Variants in SASH1 observed in about 807,000 individuals in gnomAD.
SASH1 encodes the protein SAM and SH3 domain containing 1.
Under a neutral mutation model 125.2 loss-of-function variants are expected in SASH1, and 44 were observed. That is an observed-to-expected ratio of 0.35 (90% CI 0.28 to 0.45). The LOEUF is 0.45. Ranked by LOEUF, SASH1 falls within the 20% of genes least tolerant of loss-of-function variation. SASH1 has a pLI of 1.00. For synonymous variants in SASH1, 639 were observed against 649.1 expected, an observed-to-expected ratio of 0.98 and a Z score of 0.24; for missense variants, 1,426 against 1,614.5, an observed-to-expected ratio of 0.88 and a Z score of 2.00.
chr6:148,387,568 CTTTCTTTCTTTCTTTCTTTCTT>C (rs1783443559), intron 1 of SASH1, among the ~76,000 whole-genome samples: 3 of 7,950 alleles, frequency 3.8e-4, no homozygotes, highest in African/African-American at 9.8e-4. Flanking sequence ...TTTCTTTTCT[CTTTCTTTCTTTCTTTCTTTCTT>C]TCTTTCTTTC....
chr6:148,287,411 GGT>G (rs932144640), intron 1 of SASH1, among the ~76,000 whole-genome samples: 15 of 151,994 alleles, frequency 9.9e-5, no homozygotes, highest in African/African-American at 3.4e-4. Flanking sequence ...TCTCCTTCAA[GGT>G]GTGTGTCACA....
chr6:148,441,461 A>G (rs755203318), intron 4 of SASH1, among the ~76,000 whole-genome samples: 6 of 152,202 alleles, frequency 3.9e-5, no homozygotes, highest in Non-Finnish European at 5.9e-5. Context: ...GGTTGAGAAG[A>G]TAACTGTGCA....
intron 1 of SASH1, among the ~76,000 whole-genome samples, chr6:148,324,800 A>G (rs4294025): frequency 0.5 from 76,409 of 152,002 alleles, 19,497 homozygotes; most frequent in Middle Eastern, 0.68. Context: ...CAGGATTTCC[A>G]GTGCTAAAAC....
At chr6:148,203,166 T>G in the SASH1 span, among the ~76,000 whole-genome samples, 1 of 152,230 alleles carries the variant, frequency 6.6e-6, no homozygotes, top group Non-Finnish European at 1.5e-5. Flanking sequence ...TTCAGAAGAA[T>G]CTTTCACTGA....
intron 2 of SASH1, 103 bp from the exon 3 acceptor site, chr6:148,440,081 C>T: frequency 9.2e-7 from 1 of 1,088,250 alleles, no homozygotes; most frequent in Non-Finnish European, 1.4e-6. Flanking sequence ...CTCTATACCC[C>T]AACCTTTCCC....
intron 1 of SASH1, among the ~76,000 whole-genome samples, chr6:148,345,616 A>C (rs181554295): frequency 6.6e-6 from 1 of 152,224 alleles, no homozygotes; most frequent in Non-Finnish European, 1.5e-5. Context: ...GCTGTCATCC[A>C]AGTGTTTATA....
chr6:148,490,876 A>C (rs539011261), intron 8 of SASH1, among the ~76,000 whole-genome samples: 1 of 152,356 alleles, frequency 6.6e-6, no homozygotes, highest in East Asian at 1.9e-4. Flanking sequence ...CACCAGACAT[A>C]TTGGACCCCA....
intron 1 of SASH1, among the ~76,000 whole-genome samples, chr6:148,387,575 TC>T (rs1783449093): frequency 1.9e-4 from 1 of 5,146 alleles, no homozygotes; most frequent in African/African-American, 1.1e-3. Flanking sequence ...TCTCTTTCTT[TC>T]TTTCTTTCTT....
intron 8 of SASH1, among the ~76,000 whole-genome samples, chr6:148,497,062 C>T (rs1779345471): frequency 6.6e-6 from 1 of 151,868 alleles, no homozygotes; most frequent in African/African-American, 2.4e-5. Context: ...TTAATAAAAC[C>T]ATGATTCTGA....
intron 1 of SASH1, among the ~76,000 whole-genome samples, chr6:148,344,222 A>G (rs1048123079): frequency 3.3e-5 from 5 of 152,204 alleles, no homozygotes; most frequent in Non-Finnish European, 5.9e-5. Flanking sequence ...ATCTTGGCCA[A>G]GTCATTCAAC....
chr6:148,224,723 C>A, the SASH1 span, among the ~76,000 whole-genome samples: 1 of 152,054 alleles, frequency 6.6e-6, no homozygotes, highest in Non-Finnish European at 1.5e-5. Flanking sequence ...CTGAGCAATG[C>A]CCCATAGTAA....
chr6:148,514,458 TAAAAAAAAA>T lies in SASH1; in HGVS notation c.862+22_862+30del, dbSNP rs10710533. 1,262 of 572,266 alleles carry T rather than the reference TAAAAAAAAA, an allele frequency of 2.2e-3. No homozygotes were observed. The highest frequency in any genetic ancestry group is 7.4e-3 in the East Asian group (65 of 8,742). 35.4% of individuals were successfully genotyped at this position (572,266 alleles called of 1,614,324 possible). A position where few individuals can be genotyped will look rare whatever the true frequency, so the allele number is the denominator to read the frequency against. On this transcript the variant is annotated splice_donor_5th_base_variant and intron_variant, in intron 9 of 19. Transcript: ENST00000367467. ...AAATGAAAAAACCCAGCACTGAAGGTAAAAAAAAAAAAAAAAAAAAAAAAAAAAGGCAGA... is the reference window on the plus strand; with the variant it reads ...AAATGAAAAAACCCAGCACTGAAGGTAAAAAAAAAAAAAAAAAAAGGCAGA...
intron 2 of SASH1, among the ~76,000 whole-genome samples, chr6:148,407,050 T>A (rs145798953): frequency 0.011 from 1,700 of 152,238 alleles, 37 homozygotes; most frequent in African/African-American, 0.039. Context: ...TTTAGTTTTT[T>A]AAAAAAAATT....
At chr6:148,358,687 T>A (rs1345050392) in intron 1 of SASH1, among the ~76,000 whole-genome samples, 1 of 151,948 alleles carries the variant, frequency 6.6e-6, no homozygotes, top group Admixed American at 6.6e-5. Context: ...CCTCCTTAGA[T>A]GCTTGGTTGG....
chr6:148,527,906 A>G (rs558434602), intron 12 of SASH1, among the ~76,000 whole-genome samples: 1 of 151,630 alleles, frequency 6.6e-6, no homozygotes, highest in South Asian at 2.1e-4. Flanking sequence ...AAATTTGAAT[A>G]CAAAGGAAGG....
chr6:148,425,833 G>A (rs1775797077), intron 2 of SASH1, among the ~76,000 whole-genome samples: 1 of 150,222 alleles, frequency 6.7e-6, no homozygotes, highest in South Asian at 2.1e-4. Context: ...CTAGGGTCAA[G>A]TGATTCTCCT....
the SASH1 span, among the ~76,000 whole-genome samples, chr6:148,197,654 A>G: frequency 6.6e-6 from 1 of 152,072 alleles, no homozygotes; most frequent in Non-Finnish European, 1.5e-5. Flanking sequence ...TTCCTCAGCT[A>G]CTGTTTGATG....
intron 2 of SASH1, among the ~76,000 whole-genome samples, chr6:148,403,474 A>G (rs1784258078): frequency 6.6e-6 from 1 of 151,550 alleles, no homozygotes; most frequent in Non-Finnish European, 1.5e-5. Flanking sequence ...ATTCCACAGT[A>G]GAATTGTAAC....
rs548833213 is a variant in SASH1, at chr6:148,273,785, G to A, written n.74+1408G>A. 3.3e-5 allele frequency among the ~76,000 whole-genome samples: 5 copies of A among 152,326 alleles called. No individual in the cohort carries two copies. The South Asian group carries it at 1.0e-3, about 32-fold the overall frequency. On this transcript the variant is annotated intron_variant and non_coding_transcript_variant, in intron 1 of 3. Transcript: ENST00000367469. Reference sequence around the variant, plus strand: ...GCTTTGGCAAGTTGAGGCCTCTCAGGTGGGCTTCTGGAAGGCTGCTTTGCT... The same window carrying A: ...GCTTTGGCAAGTTGAGGCCTCTCAGATGGGCTTCTGGAAGGCTGCTTTGCT...
Sources: gnomAD v4.1 joint callset for allele counts (sites outside exome capture counted in the v4.1 genomes callset) on GRCh38, gnomAD v4.1.1 for gene constraint, MANE v1.5 for transcripts, NCBI Gene and HGNC (gene_info 2026-07-23, HGNC 2026-07-21) for gene names.